Variants in RASGRF2 observed in about 807,000 individuals in gnomAD.
RASGRF2 encodes Ras protein specific guanine nucleotide releasing factor 2.
A neutral mutation model predicts 151.0 loss-of-function variants in RASGRF2; 76 were observed. The ratio of observed to expected loss-of-function variants is 0.50; its 90% CI spans 0.42 to 0.61. The LOEUF (loss-of-function observed/expected upper bound fraction) is 0.61. Among genes scored for constraint, RASGRF2 ranks in the 20% least tolerant of loss-of-function variants. The pLI is 0.00. For missense variants in RASGRF2, 1,148 were observed against 1,564.6 expected (o/e 0.73, Z 4.49); for synonymous variants, 504 against 566.5 (o/e 0.89, Z 1.57).
intron 17 of RASGRF2, among the ~76,000 whole-genome samples, chr5:81,144,228 T>C (rs1264682029): frequency 6.6e-6 from 1 of 152,230 alleles, no homozygotes; most frequent in African/African-American, 2.4e-5. Flanking sequence ...GTAGTCAAAG[T>C]AATCTATGGA....
chr5:81,130,248 A>G (rs1753581408), intron 17 of RASGRF2, among the ~76,000 whole-genome samples: 1 of 152,212 alleles, frequency 6.6e-6, no homozygotes, highest in Non-Finnish European at 1.5e-5. Context: ...CTGTGTGAGC[A>G]GACTGCTCTT....
At chr5:80,961,144 T>TC (rs1317848895) in intron 1 of RASGRF2, 118 bp downstream of exon 1, 51 of 1,166,516 alleles carry the variant, frequency 4.4e-5, no homozygotes, top group Non-Finnish European at 5.4e-5. Flanking sequence ...TGCTCCGAAA[T>TC]CCCCCCGCGT....
chr5:81,098,379 G>A (rs1024411753), intron 12 of RASGRF2, among the ~76,000 whole-genome samples: 7 of 152,262 alleles, frequency 4.6e-5, no homozygotes, highest in Admixed American at 2.0e-4. Context: ...AGAGAGATCC[G>A]GGTAGGAGAT....
At chr5:81,037,447 T>C (rs1385461689) in intron 1 of RASGRF2, among the ~76,000 whole-genome samples, 1 of 152,208 alleles carries the variant, frequency 6.6e-6, no homozygotes, top group Non-Finnish European at 1.5e-5. Flanking sequence ...GTGGCTTCTT[T>C]ATTTTCTGTC....
intron 1 of RASGRF2, among the ~76,000 whole-genome samples, chr5:80,989,046 T>C (rs558089353): frequency 6.6e-6 from 1 of 152,066 alleles, no homozygotes; most frequent in South Asian, 2.1e-4. Flanking sequence ...GGTGCAATCT[T>C]GGCTCACTGC....
intron 1 of RASGRF2, among the ~76,000 whole-genome samples, chr5:81,035,265 T>C (rs1365599229): frequency 1.3e-5 from 2 of 152,130 alleles, no homozygotes; most frequent in Non-Finnish European, 2.9e-5. Flanking sequence ...ATATATACCA[T>C]GGAATACTAT....
At chr5:81,033,793 CA>C (rs1253128990) in intron 1 of RASGRF2, among the ~76,000 whole-genome samples, 1 of 152,192 alleles carries the variant, frequency 6.6e-6, no homozygotes, top group African/African-American at 2.4e-5. Context: ...CCAAAATTGA[CA>C]AATGGGATCC....
intron 12 of RASGRF2, among the ~76,000 whole-genome samples, chr5:81,097,921 G>C (rs1752592060): frequency 6.6e-6 from 1 of 152,244 alleles, no homozygotes; most frequent in Non-Finnish European, 1.5e-5. Flanking sequence ...GCCATGAACT[G>C]TCTTAGGTTT....
intron 2 of RASGRF2, among the ~76,000 whole-genome samples, chr5:81,043,761 T>G (rs1750750620): frequency 6.6e-6 from 1 of 152,152 alleles, no homozygotes; most frequent in African/African-American, 2.4e-5. Context: ...TTGGGTATTT[T>G]GGGGCAACAC....
intron 17 of RASGRF2, among the ~76,000 whole-genome samples, chr5:81,177,970 T>C (rs994539904): frequency 2.0e-5 from 3 of 152,184 alleles, no homozygotes; most frequent in Non-Finnish European, 4.4e-5. Flanking sequence ...CCAAAGACCT[T>C]GTAGTTTGTG....
intron 17 of RASGRF2, among the ~76,000 whole-genome samples, chr5:81,163,844 T>G (rs1754443671): frequency 6.6e-6 from 1 of 152,180 alleles, no homozygotes. Flanking sequence ...ACGACTGATG[T>G]GGTCACATCA....
Position 81,070,380 on chromosome 5 carries a change from T to C in RASGRF2, c.544-112T>C, listed in dbSNP as rs1040165182. The C allele has an allele frequency of 1.4e-5, 11 of 794,884 alleles. No individual in the cohort carries two copies. The Admixed American group carries it at 1.9e-4, about 14-fold the overall frequency. The allele number at this position is 794,884 out of a possible 1,614,324, so 49.2% of individuals were successfully genotyped here. ...AAAGGAAGAGAGTGTGCATAAAAAG[T>C]GGGTGTTTCCTGAGGATCTCATTGG... is the stretch of plus-strand genomic sequence containing the variant. On this transcript the variant is annotated intron_variant, in intron 3 of 26. Transcript: ENST00000265080.
chr5:81,228,929 A>C lies in RASGRF2; in HGVS notation c.*3159A>C, dbSNP rs1180728527. The C allele has an allele frequency of 6.6e-6, 1 of 152,172 alleles. No homozygotes were observed. The highest frequency in any genetic ancestry group is 6.5e-5 in the Admixed American group (1 of 15,278). 9.4% of individuals were successfully genotyped at this position (152,172 alleles called of 1,614,324 possible). On this transcript the variant is annotated 3_prime_UTR_variant, in exon 27 of 27. Coordinates refer to ENST00000265080, the MANE Select transcript of RASGRF2 (RefSeq NM_006909.3). ...AAAGTACTACTTATAAACAAATGAA[A>C]CTCAGAGAAACTGAATCACCTGGAA...
chr5:81,059,043 C>T (rs1320761044), intron 2 of RASGRF2, among the ~76,000 whole-genome samples: 3 of 152,056 alleles, frequency 2.0e-5, no homozygotes, highest in Non-Finnish European at 4.4e-5. Flanking sequence ...TTGTGCTCCA[C>T]CCCTACCCTT....
At chr5:81,058,403 A>C (rs1296341636) in intron 2 of RASGRF2, among the ~76,000 whole-genome samples, 2 of 152,218 alleles carry the variant, frequency 1.3e-5, no homozygotes, top group African/African-American at 4.8e-5. Context: ...GAAATAGTGA[A>C]GGGAAGCCCT....
chr5:81,079,174 A>G (rs1253804320), intron 5 of RASGRF2, among the ~76,000 whole-genome samples: 1 of 152,164 alleles, frequency 6.6e-6, no homozygotes, highest in Non-Finnish European at 1.5e-5. Flanking sequence ...TTTTAGTTTT[A>G]CCCCTCTCCA....
intron 1 of RASGRF2, among the ~76,000 whole-genome samples, chr5:80,989,286 T>G (rs1748575430): frequency 6.6e-6 from 1 of 152,198 alleles, no homozygotes; most frequent in African/African-American, 2.4e-5. Flanking sequence ...ATTGGTATTT[T>G]TTTTTAAAAG....
intron 17 of RASGRF2, among the ~76,000 whole-genome samples, chr5:81,144,994 C>CT (rs1753970697): frequency 6.6e-6 from 1 of 152,122 alleles, no homozygotes; most frequent in East Asian, 1.9e-4. Flanking sequence ...AATCCCAGCA[C>CT]TTTGGGAGGC....
intron 2 of RASGRF2, among the ~76,000 whole-genome samples, chr5:81,066,916 G>A (rs1751624687): frequency 6.6e-6 from 1 of 152,220 alleles, no homozygotes; most frequent in Non-Finnish European, 1.5e-5. Flanking sequence ...GAGGAGGTAA[G>A]TGTGTGGAAG....
Sources: gnomAD v4.1 joint callset for allele counts (sites outside exome capture counted in the v4.1 genomes callset) on GRCh38, gnomAD v4.1.1 for gene constraint, MANE v1.5 for transcripts, NCBI Gene and HGNC (gene_info 2026-07-23, HGNC 2026-07-21) for gene names.